The following COMMD1 variants were observed in gnomAD, a reference collection of about 807,000 sequenced individuals.
COMMD1 encodes the protein COMM domain-containing protein 1.
COMMD1 carries 10 observed loss-of-function variants against 17.2 expected under a neutral mutation model. That is an observed-to-expected ratio of 0.58 (90% confidence interval 0.36 to 0.99). The LOEUF is 0.99. Ranked by LOEUF, COMMD1 falls within the 50% of genes least tolerant of loss-of-function variation. COMMD1 has a pLI of 0.01. For synonymous variants in COMMD1, 97 were observed against 91.6 expected (o/e 1.06, Z -0.34); for missense variants, 270 against 231.8 (o/e 1.17, Z -1.07).
At chr2:61,951,264 G>C (rs1297102491) in intron 1 of COMMD1, among the ~76,000 whole-genome samples, 1 of 152,138 alleles carries the variant, frequency 6.6e-6, no homozygotes, top group African/African-American at 2.4e-5. Context: ...AGGAGTTCAA[G>C]ACCAGCCTGG....
intron 1 of COMMD1, among the ~76,000 whole-genome samples, chr2:61,958,520 G>C (rs1256160546): frequency 1.3e-5 from 2 of 151,986 alleles, no homozygotes; most frequent in Admixed American, 6.6e-5. Flanking sequence ...ACCCGCCTTG[G>C]CCTCCCAAAG....
intron 1 of COMMD1, among the ~76,000 whole-genome samples, chr2:61,953,371 CT>C (rs58439320): frequency 1.3e-3 from 160 of 127,062 alleles, no homozygotes; most frequent in Admixed American, 1.5e-3. Flanking sequence ...TTTTTCTTTT[CT>C]TTTTTTTTTT....
intron 2 of COMMD1, among the ~76,000 whole-genome samples, chr2:62,007,354 T>A (rs1469301046): frequency 6.6e-6 from 1 of 152,170 alleles, no homozygotes; most frequent in African/African-American, 2.4e-5. Context: ...CAAAATAGGT[T>A]GGGTTCTGTA....
At chr2:61,888,743 G>C in exon 1 of COMMD1, 1 of 542,568 alleles carries the variant, frequency 1.8e-6, no homozygotes, top group Non-Finnish European at 3.2e-6. Flanking sequence ...GGTGGGCTCC[G>C]GGCTGGCGAG....
chr2:62,128,042 A>G (rs1672930363), intron 2 of COMMD1, among the ~76,000 whole-genome samples: 1 of 143,848 alleles, frequency 7.0e-6, no homozygotes. Context: ...AAAAAAAAGG[A>G]TGAGGTTGGG....
At chr2:62,015,510 C>G (rs1192827380) in intron 2 of COMMD1, among the ~76,000 whole-genome samples, 1 of 152,122 alleles carries the variant, frequency 6.6e-6, no homozygotes, top group Non-Finnish European at 1.5e-5. Context: ...ATTTTAGTCT[C>G]TGTTTTTAAT....
At chr2:62,014,653 C>T (rs1336188322) in intron 2 of COMMD1, among the ~76,000 whole-genome samples, 1 of 135,172 alleles carries the variant, frequency 7.4e-6, no homozygotes, top group African/African-American at 2.7e-5. Context: ...CCTCTACCTC[C>T]TGGGTTCAGG....
At chr2:62,096,950 G>A (rs1672029048) in intron 2 of COMMD1, among the ~76,000 whole-genome samples, 1 of 152,176 alleles carries the variant, frequency 6.6e-6, no homozygotes, top group African/African-American at 2.4e-5. Flanking sequence ...AAAATAAGTA[G>A]GACTTTCTGA....
chr2:61,946,655 A>C (rs1410920147), intron 1 of COMMD1, among the ~76,000 whole-genome samples: 1 of 152,180 alleles, frequency 6.6e-6, no homozygotes, highest in Non-Finnish European at 1.5e-5. Context: ...GTTTTACTAC[A>C]CTATACATCA....
At chr2:62,121,974 G>A (rs1672762070) in intron 2 of COMMD1, among the ~76,000 whole-genome samples, 1 of 151,936 alleles carries the variant, frequency 6.6e-6, no homozygotes, top group Non-Finnish European at 1.5e-5. Context: ...TGTATTTTTT[G>A]TAGAGACGGG....
intron 1 of COMMD1, among the ~76,000 whole-genome samples, chr2:61,889,094 G>C (rs1040512149): frequency 6.7e-6 from 1 of 149,636 alleles, no homozygotes; most frequent in African/African-American, 2.5e-5. Flanking sequence ...GTAGAGACAG[G>C]GTTTCACCAT....
At chr2:61,983,459 G>C (rs797012113) in intron 1 of COMMD1, among the ~76,000 whole-genome samples, 4 of 152,276 alleles carry the variant, frequency 2.6e-5, no homozygotes, top group African/African-American at 9.6e-5. Context: ...CAAAGTGCTA[G>C]GATTACAAGC....
intron 2 of COMMD1, among the ~76,000 whole-genome samples, chr2:62,100,928 T>A (rs1441720457): frequency 3.3e-5 from 5 of 152,090 alleles, no homozygotes; most frequent in Non-Finnish European, 7.4e-5. Context: ...GAGAAACATG[T>A]TTTGGGATTA....
intron 1 of COMMD1, among the ~76,000 whole-genome samples, chr2:61,957,553 C>T (rs1484726720): frequency 2.0e-5 from 3 of 151,990 alleles, no homozygotes; most frequent in South Asian, 4.1e-4. Flanking sequence ...CAGAAATTAA[C>T]GTTAGCCGTA....
chr2:62,000,112 C>T (rs1465246142), intron 1 of COMMD1, among the ~76,000 whole-genome samples: 1 of 151,796 alleles, frequency 6.6e-6, no homozygotes, highest in Non-Finnish European at 1.5e-5. Context: ...AGTGGAAAAA[C>T]AGGGTTTCAC....
intron 2 of COMMD1, among the ~76,000 whole-genome samples, chr2:62,110,641 A>G (rs890393279): frequency 3.3e-5 from 5 of 152,110 alleles, no homozygotes; most frequent in Non-Finnish European, 7.4e-5. Context: ...AATTATGTTT[A>G]TGTGATTAAA....
intron 2 of COMMD1, among the ~76,000 whole-genome samples, chr2:62,093,831 GC>G (rs1371458624): frequency 6.6e-6 from 1 of 152,142 alleles, no homozygotes; most frequent in Middle Eastern, 3.2e-3. Flanking sequence ...TCCATAGCAT[GC>G]CAAAATCATG....
At chr2:62,037,997 T>C (rs1299977427) in intron 2 of COMMD1, among the ~76,000 whole-genome samples, 1 of 152,122 alleles carries the variant, frequency 6.6e-6, no homozygotes, top group Non-Finnish European at 1.5e-5. Context: ...TCTTAAAAAC[T>C]GGTGAATCAG....
At chr2:61,976,992 A>AT (rs1273382314) in intron 1 of COMMD1, among the ~76,000 whole-genome samples, 1 of 150,416 alleles carries the variant, frequency 6.6e-6, no homozygotes, top group Admixed American at 6.6e-5. Context: ...CCACCAGCTA[A>AT]TTTTTTGTAT....
Sources: gnomAD v4.1 joint callset for allele counts (sites outside exome capture counted in the v4.1 genomes callset) on GRCh38, gnomAD v4.1.1 for gene constraint, MANE v1.5 for transcripts, NCBI Gene and HGNC (gene_info 2026-07-23, HGNC 2026-07-21) for gene names.